Variants in MCU observed in about 807,000 individuals in gnomAD.
MCU encodes calcium uniporter protein, mitochondrial.
Under a neutral mutation model 45.2 loss-of-function variants are expected in MCU, and 12 were observed. The ratio of observed to expected loss-of-function variants is 0.27; its 90% CI spans 0.17 to 0.43. The LOEUF (loss-of-function observed/expected upper bound fraction) is 0.43. Among genes scored for constraint, MCU ranks in the 20% least tolerant of loss-of-function variants. The pLI is 1.00. For synonymous variants in MCU, 160 were observed against 165.1 expected, an observed-to-expected ratio of 0.97 and a Z score of 0.24; for missense variants, 324 against 436.7, an observed-to-expected ratio of 0.74 and a Z score of 2.30.
intron 6 of MCU, among the ~76,000 whole-genome samples, chr10:72,881,739 C>A (rs1000470445): frequency 2.6e-5 from 4 of 152,072 alleles, no homozygotes; most frequent in Admixed American, 2.6e-4. Flanking sequence ...AGAAGATATG[C>A]AAATGGCCAA....
intron 2 of MCU, among the ~76,000 whole-genome samples, chr10:72,853,067 C>T (rs1845231503): frequency 6.6e-6 from 1 of 152,152 alleles, no homozygotes; most frequent in Admixed American, 6.5e-5. Flanking sequence ...ACTAATTTAA[C>T]TATACAAGAT....
intron 1 of MCU, among the ~76,000 whole-genome samples, chr10:72,701,198 G>A (rs1842754875): frequency 6.6e-6 from 1 of 152,150 alleles, no homozygotes; most frequent in Admixed American, 6.6e-5. Context: ...GAACCACTTG[G>A]TTTCTATAGA....
At chr10:72,749,583 TA>T (rs1296368590) in intron 1 of MCU, among the ~76,000 whole-genome samples, 2 of 152,158 alleles carry the variant, frequency 1.3e-5, no homozygotes, top group African/African-American at 4.8e-5. Flanking sequence ...AGATAAGGAT[TA>T]AAAGTTAGGT....
chr10:72,799,570 C>T (rs1258387649), intron 1 of MCU, among the ~76,000 whole-genome samples: 1 of 151,956 alleles, frequency 6.6e-6, no homozygotes, highest in Non-Finnish European at 1.5e-5. Flanking sequence ...GATCCTCCCT[C>T]CTCAGCCTCC....
At chr10:72,822,776 A>T (rs983080742) in intron 1 of MCU, among the ~76,000 whole-genome samples, 17 of 152,134 alleles carry the variant, frequency 1.1e-4, no homozygotes, top group African/African-American at 3.9e-4. Context: ...AGGAGGTCAA[A>T]GCTGCAGTGA....
intron 1 of MCU, among the ~76,000 whole-genome samples, chr10:72,831,065 C>T (rs935820585): frequency 1.3e-5 from 2 of 152,154 alleles, no homozygotes; most frequent in Non-Finnish European, 2.9e-5. Context: ...AAAGTATTGG[C>T]AGTGAACATA....
At chr10:72,719,819 T>G (rs543281691) in intron 1 of MCU, among the ~76,000 whole-genome samples, 2 of 152,196 alleles carry the variant, frequency 1.3e-5, no homozygotes, top group Non-Finnish European at 2.9e-5. Flanking sequence ...CACCCTGTTG[T>G]GCTATACAAT....
At chr10:72,760,368 A>G (rs1168201907) in intron 1 of MCU, among the ~76,000 whole-genome samples, 1 of 151,670 alleles carries the variant, frequency 6.6e-6, no homozygotes, top group African/African-American at 2.4e-5. Flanking sequence ...TGAAATCTTT[A>G]TTCAAGAAAT....
chr10:72,705,749 G>A (rs1221478276), intron 1 of MCU, among the ~76,000 whole-genome samples: 3 of 151,984 alleles, frequency 2.0e-5, no homozygotes, highest in Non-Finnish European at 2.9e-5. Context: ...ACCCAGAGGT[G>A]AAGGTTGCAG....
At chr10:72,721,755 G>A (rs1843024995) in intron 1 of MCU, among the ~76,000 whole-genome samples, 1 of 152,028 alleles carries the variant, frequency 6.6e-6, no homozygotes, top group African/African-American at 2.4e-5. Context: ...CAGTGTTTTT[G>A]TAGTCATCTA....
At chr10:72,733,696 TA>T (rs370764967) in intron 1 of MCU, among the ~76,000 whole-genome samples, 71,459 of 144,524 alleles carry the variant, frequency 0.49, 19,829 homozygotes, top group Non-Finnish European at 0.66. Flanking sequence ...TATATATATA[TA>T]TATATATTTT....
At chr10:72,868,135 A>G (rs1006099173) in intron 4 of MCU, among the ~76,000 whole-genome samples, 4 of 152,152 alleles carry the variant, frequency 2.6e-5, no homozygotes, top group African/African-American at 9.7e-5. Context: ...AATGTTAATC[A>G]TGTCCTCATT....
intron 1 of MCU, among the ~76,000 whole-genome samples, chr10:72,701,834 A>G (rs185829711): frequency 6.6e-6 from 1 of 151,080 alleles, no homozygotes; most frequent in Non-Finnish European, 1.5e-5. Flanking sequence ...CCCGGCCCCC[A>G]CTGACTACAT....
In MCU at chr10:72,793,431, C is replaced by G. The variant is rs539245147; in HGVS notation, c.151-40928C>G. Among the ~76,000 whole-genome samples, 3 of 152,216 alleles carry G rather than the reference C, an allele frequency of 2.0e-5. No individual in the cohort carries two copies. The South Asian group carries it at 6.2e-4, about 32-fold the overall frequency. On this transcript the variant is annotated intron_variant, in intron 1 of 7. Coordinates refer to ENST00000373053, the MANE Select transcript of MCU (RefSeq NM_138357.3). ...CTGAATAGGCAAACAGTCCTATATA[C>G]CTTTGTGGCCATGAGGGTTTAATTT...
intron 2 of MCU, among the ~76,000 whole-genome samples, chr10:72,834,764 C>A (rs933897163): frequency 6.6e-6 from 1 of 152,118 alleles, no homozygotes; most frequent in Non-Finnish European, 1.5e-5. Flanking sequence ...TGGATTCAAG[C>A]AATTCTCCTG....
At chr10:72,824,898 TA>T (rs1844773388) in intron 1 of MCU, among the ~76,000 whole-genome samples, 1 of 152,240 alleles carries the variant, frequency 6.6e-6, no homozygotes, top group Non-Finnish European at 1.5e-5. Flanking sequence ...TGAAATTGTT[TA>T]CTTCATTAAT....
Position 72,885,910 on chromosome 10 carries a change from G to C in MCU, c.*88G>C, listed in dbSNP as rs181170766. 945 of 1,011,348 alleles carry C rather than the reference G, an allele frequency of 9.3e-4. 2 individuals carry two copies. Among genetic ancestry groups the C allele is most frequent in the Non-Finnish European group, 1.3e-3 (818 of 648,660 alleles). 62.6% of individuals were successfully genotyped at this position (1,011,348 alleles called of 1,614,324 possible). ...TGCAGGTGGAAGCTGGGAGCCATGT[G>C]GGGGGTAGAGCGTTTTTACCTTTAA... On this transcript the variant is annotated 3_prime_UTR_variant, in exon 8 of 8. Coordinates refer to ENST00000373053, the MANE Select transcript of MCU (RefSeq NM_138357.3).
chr10:72,853,495 G>C (rs1845239957), intron 2 of MCU, among the ~76,000 whole-genome samples: 1 of 152,138 alleles, frequency 6.6e-6, no homozygotes. Flanking sequence ...TATGAAGAAA[G>C]CCTCAGTGAC....
chr10:72,840,799 T>C (rs1332518553), intron 2 of MCU, among the ~76,000 whole-genome samples: 1 of 152,042 alleles, frequency 6.6e-6, no homozygotes, highest in Non-Finnish European at 1.5e-5. Flanking sequence ...ACAGTTCAGA[T>C]TTTTTTTGTA....
Sources: allele counts gnomAD v4.1 joint callset (sites outside exome capture counted in the v4.1 genomes callset), GRCh38; gene constraint gnomAD v4.1.1; transcripts MANE v1.5; gene names NCBI Gene and HGNC (gene_info 2026-07-23, HGNC 2026-07-21).